Variants in PAX2 observed in about 807,000 individuals in gnomAD.
PAX2 encodes paired box protein Pax-2.
Under a neutral mutation model 41.7 loss-of-function variants are expected in PAX2, and 9 were observed. The ratio of observed to expected loss-of-function variants is 0.22; its 90% confidence interval spans 0.13 to 0.38. The LOEUF is 0.38. Among genes scored for constraint, PAX2 ranks in the 10% least tolerant of loss-of-function variants. PAX2 has a pLI of 1.00. For missense variants in PAX2, 418 were observed against 531.6 expected (o/e 0.79, Z 2.10); for synonymous variants, 221 against 212.7 (o/e 1.04, Z -0.34).
intron 1 of PAX2, chr10:100,749,435 CT>C: frequency 8.2e-7 from 1 of 1,221,090 alleles, no homozygotes; most frequent in African/African-American, 1.6e-5. Flanking sequence ...ATGAATTCCC[CT>C]TTGGCATTTT....
At chr10:100,757,657 C>T (rs1845680643) in intron 3 of PAX2, among the ~76,000 whole-genome samples, 1 of 152,230 alleles carries the variant, frequency 6.6e-6, no homozygotes, top group Non-Finnish European at 1.5e-5. Flanking sequence ...TGGGACACAA[C>T]GGTGGGCAGA....
chr10:100,746,341 C>A, intron 1 of PAX2, 38 bp downstream of exon 1: 1 of 1,427,078 alleles, frequency 7.0e-7, no homozygotes, highest in Non-Finnish European at 9.9e-7. Context: ...CGGCTCGGGG[C>A]TCTCCGTCCC....
At position 100,815,081 on chromosome 10, in the gene PAX2, G is replaced by T. The variant is rs185160073; in HGVS notation, c.919+5845G>T. ...AAGTGGCCTTTTAGCAGATAGAGGTGTGGACCCTGGGAAACCTCCTCCTCC... is the reference window on the plus strand; with the variant it reads ...AAGTGGCCTTTTAGCAGATAGAGGTTTGGACCCTGGGAAACCTCCTCCTCC... On this transcript the variant is annotated intron_variant, in intron 7 of 9. Coordinates refer to ENST00000355243, the MANE Select transcript of PAX2 (RefSeq NM_000278.5). Among the ~76,000 whole-genome samples, 988 of 152,316 alleles carry T rather than the reference G, an allele frequency of 6.5e-3. 14 individuals are homozygous for T. The highest frequency in any genetic ancestry group is 0.023 in the African/African-American group (942 of 41,572).
chr10:100,807,729 A>G (rs997905831), intron 6 of PAX2, among the ~76,000 whole-genome samples: 2 of 152,114 alleles, frequency 1.3e-5, no homozygotes, highest in African/African-American at 4.8e-5. Context: ...CCTGCTACAC[A>G]TGCAGCCCAG....
chr10:100,765,132 GA>G (rs1192586800), intron 3 of PAX2, among the ~76,000 whole-genome samples: 1 of 152,142 alleles, frequency 6.6e-6, no homozygotes, highest in Non-Finnish European at 1.5e-5. Flanking sequence ...AAGTTTTTAA[GA>G]AAAAAATTTC....
At chr10:100,760,554 G>C (rs779136072) in intron 3 of PAX2, among the ~76,000 whole-genome samples, 54 of 152,214 alleles carry the variant, frequency 3.5e-4, no homozygotes, top group Admixed American at 1.3e-4. Flanking sequence ...TGATGGCCAG[G>C]GTGGAGGGTG....
rs1435523796 is a variant in PAX2 at position 100,826,683 on chromosome 10, C to T, written c.1022-326C>T. ...CATCTATAAAGGCCCTGGCCCCCAGCGCGACAGGGTGGACGCGCCCCAATA... is the reference window on the plus strand; with the variant it reads ...CATCTATAAAGGCCCTGGCCCCCAGTGCGACAGGGTGGACGCGCCCCAATA... On this transcript the variant is annotated intron_variant, in intron 8 of 9. Transcript: ENST00000355243. This position sits in a 1 kb window ranked among gnomAD's most constrained non-coding sequence, Gnocchi z 5.5. 6.6e-6 allele frequency among the ~76,000 whole-genome samples: 1 copy of T among 152,240 alleles called. No homozygotes were observed. The highest frequency in any genetic ancestry group is 1.5e-5 in the Non-Finnish European group (1 of 68,042).
chr10:100,807,264 T>G (rs1847824246), intron 6 of PAX2, among the ~76,000 whole-genome samples: 1 of 152,102 alleles, frequency 6.6e-6, no homozygotes, highest in South Asian at 2.1e-4. Context: ...GGTGTGCATG[T>G]GCTCACACTC....
At chr10:100,781,218 A>C (rs1564723416) in intron 4 of PAX2, 28 bp from the exon 5 acceptor site, 1 of 1,613,590 alleles carries the variant, frequency 6.2e-7, no homozygotes, top group East Asian at 2.2e-5. Flanking sequence ...TGCTATCCTG[A>C]TGCCATTTCC....
At chr10:100,786,265 A>G (rs1218784396) in intron 5 of PAX2, among the ~76,000 whole-genome samples, 1 of 152,168 alleles carries the variant, frequency 6.6e-6, no homozygotes, top group Non-Finnish European at 1.5e-5. Context: ...GTCCATTTCT[A>G]TCTGTTCATT....
At chr10:100,823,156 G>A (rs1848426574) in intron 7 of PAX2, among the ~76,000 whole-genome samples, 1 of 152,182 alleles carries the variant, frequency 6.6e-6, no homozygotes, top group Admixed American at 6.5e-5. Context: ...ATCTAGAATG[G>A]GAGGAAGAAG....
At chr10:100,767,551 C>T (rs1178781868) in intron 3 of PAX2, among the ~76,000 whole-genome samples, 1 of 152,214 alleles carries the variant, frequency 6.6e-6, no homozygotes, top group African/African-American at 2.4e-5. Flanking sequence ...ATTCCCCTTC[C>T]TCTACCCAGC....
chr10:100,737,653 G>T (rs1242851503), intron 1 of PAX2, among the ~76,000 whole-genome samples: 1 of 152,148 alleles, frequency 6.6e-6, no homozygotes, highest in Non-Finnish European at 1.5e-5. Flanking sequence ...CCTCCCAGCC[G>T]CCTTCTCCCT....
chr10:100,806,642 G>A, intron 6 of PAX2, 37 bp downstream of exon 6: 1 of 1,590,794 alleles, frequency 6.3e-7, no homozygotes, highest in Non-Finnish European at 8.6e-7. Context: ...AAGTAGAAAG[G>A]AGCCGGCAGA....
chr10:100,821,143 T>C (rs1848369477), intron 7 of PAX2, among the ~76,000 whole-genome samples: 2 of 152,226 alleles, frequency 1.3e-5, no homozygotes, highest in Non-Finnish European at 2.9e-5. Context: ...GGGCAAATGG[T>C]ATGACAGTCT....
intron 3 of PAX2, among the ~76,000 whole-genome samples, chr10:100,763,455 C>T (rs1845904457): frequency 1.3e-5 from 2 of 152,140 alleles, no homozygotes; most frequent in African/African-American, 2.4e-5. Flanking sequence ...TTGATGTGTT[C>T]GAGTCTGATT....
rs764638789 is a variant in PAX2 at position 100,824,733 on chromosome 10, G to C, written c.1005G>C (p.Leu335=). ...AGGGAAGCTACCCCACCTCCACCCT[G>C]GCAGGAATGGTGCCTGGTAGGTGAC... ...TGQGSYPTST[L]AGMVPGSEFS... is the part of the protein sequence containing the mutation. The change falls in exon 8 of 10, where the codon CTG becomes CTC. Residue 335 remains leucine, a synonymous_variant. Transcript: ENST00000355243. This position sits in a 1 kb window ranked among gnomAD's most constrained non-coding sequence, Gnocchi z 6.6. The C allele has an allele frequency of 2.5e-6, 4 of 1,604,336 alleles. No homozygotes were observed. The East Asian group carries it at 8.9e-5, about 36-fold the overall frequency.
chr10:100,739,164 G>C (rs1844867666), intron 1 of PAX2, among the ~76,000 whole-genome samples: 1 of 152,132 alleles, frequency 6.6e-6, no homozygotes, highest in Non-Finnish European at 1.5e-5. Flanking sequence ...CGTAGGCGGA[G>C]GTGGCAGGAG....
At position 100,750,658 on chromosome 10, in the gene PAX2, C is replaced by G; in HGVS notation, c.213-36C>G. On this transcript the variant is annotated intron_variant, in intron 2 of 9. Coordinates refer to ENST00000355243, the MANE Select transcript of PAX2 (RefSeq NM_000278.5). This position sits in a 1 kb window ranked among gnomAD's most constrained non-coding sequence, Gnocchi z 4.1. ...GCAGCCCCCCTGCCCCGCCACAGTC[C>G]GCTTCTGGCTGACCCCGCCGGCTTT... 6.3e-7 allele frequency: 1 copy of G among 1,596,604 alleles called. No homozygotes were observed. Among genetic ancestry groups the G allele is most frequent in the South Asian group, 1.1e-5 (1 of 90,666 alleles).
Sources: allele counts gnomAD v4.1 joint callset (sites outside exome capture counted in the v4.1 genomes callset), GRCh38; gene constraint gnomAD v4.1.1; non-coding constraint Gnocchi (gnomAD v3.1); transcripts MANE v1.5; gene names NCBI Gene and HGNC (gene_info 2026-07-23, HGNC 2026-07-21).